The following MCF2L2 variants were observed in gnomAD, a reference collection of about 807,000 sequenced individuals.
MCF2L2 encodes MCF.2 cell line derived transforming sequence-like 2.
In MCF2L2, 102 loss-of-function variants were observed where a neutral mutation model predicts 150.2. The ratio of observed to expected loss-of-function variants is 0.68; its 90% CI spans 0.58 to 0.80. The LOEUF (loss-of-function observed/expected upper bound fraction) is 0.80, where lower values mean the gene tolerates loss of function less well. MCF2L2 is among the 30% of genes least tolerant of loss of function. The pLI, the probability that MCF2L2 is intolerant of heterozygous loss-of-function variation, is 0.00. For missense variants in MCF2L2, 1,256 were observed against 1,372.8 expected, an observed-to-expected ratio of 0.91 and a Z score of 1.34; for synonymous variants, 465 against 491.3, an observed-to-expected ratio of 0.95 and a Z score of 0.71.
chr3:183,312,270 A>G (rs1332165852), intron 7 of MCF2L2, among the ~76,000 whole-genome samples: 1 of 152,178 alleles, frequency 6.6e-6, no homozygotes, highest in Non-Finnish European at 1.5e-5. Flanking sequence ...TAATTATTTA[A>G]GTTTGGCAGA....
chr3:183,389,904 C>T, intron 1 of MCF2L2, 125 bp from the exon 2 acceptor site: 1 of 712,846 alleles, frequency 1.4e-6, no homozygotes, highest in Non-Finnish European at 2.4e-6. Flanking sequence ...GGTGCTGGCA[C>T]AACATTCCCT....
At chr3:183,412,883 G>C (rs1715392121) in intron 1 of MCF2L2, among the ~76,000 whole-genome samples, 1 of 152,018 alleles carries the variant, frequency 6.6e-6, no homozygotes, top group Non-Finnish European at 1.5e-5. Flanking sequence ...CCCTTTATCA[G>C]GTTGAGGAAA....
chr3:183,203,949 G>T (rs9835526), intron 25 of MCF2L2, among the ~76,000 whole-genome samples: 1 of 152,030 alleles, frequency 6.6e-6, no homozygotes, highest in Non-Finnish European at 1.5e-5. Context: ...AGAAAAAGAG[G>T]GTCAACAAGG....
intron 3 of MCF2L2, among the ~76,000 whole-genome samples, chr3:183,342,599 T>C (rs894018914): frequency 3.3e-5 from 5 of 151,502 alleles, no homozygotes; most frequent in African/African-American, 2.4e-5. Flanking sequence ...TATCTACCTA[T>C]GAGGTTGATG....
intron 3 of MCF2L2, among the ~76,000 whole-genome samples, chr3:183,369,085 G>A (rs1302693639): frequency 6.6e-6 from 1 of 152,168 alleles, no homozygotes; most frequent in Non-Finnish European, 1.5e-5. Context: ...TTAATAAATA[G>A]TGTAAGCTGA....
rs1246321138 is a variant in MCF2L2 at position 183,229,658 on chromosome 3, T to A, written c.2045+8A>T. ...CCATTCTTTCTGATAACATGAATTA[T>A]TATATACCTGTTGTGAAATTCGTAA... On this transcript the variant is annotated splice_region_variant and intron_variant, in intron 17 of 29. Coordinates refer to ENST00000328913, the MANE Select transcript of MCF2L2 (RefSeq NM_015078.4). 8.0e-7 allele frequency: 1 copy of A among 1,249,756 alleles called. No homozygotes were observed. The highest frequency in any genetic ancestry group is 1.8e-5 in the Admixed American group (1 of 55,604). The allele number at this position is 1,249,756 out of a possible 1,614,324, so 77.4% of individuals were successfully genotyped here.
chr3:183,185,153 C>T (rs1206690511), intron 27 of MCF2L2, among the ~76,000 whole-genome samples: 1 of 152,206 alleles, frequency 6.6e-6, no homozygotes, highest in Non-Finnish European at 1.5e-5. Context: ...CTCCTGACCA[C>T]GTGATCCGCC....
intron 11 of MCF2L2, chr3:183,298,484 T>C (rs1728652992): frequency 6.6e-6 from 1 of 152,162 alleles, no homozygotes; most frequent in Admixed American, 6.6e-5. Flanking sequence ...ACATTTAGAA[T>C]AATAAAAAAT....
chr3:183,366,627 C>T (rs563212589), intron 3 of MCF2L2, among the ~76,000 whole-genome samples: 45 of 151,806 alleles, frequency 3.0e-4, no homozygotes, highest in African/African-American at 9.9e-4. Context: ...GCCTGGGCAA[C>T]AGAGCAAGAC....
intron 10 of MCF2L2, among the ~76,000 whole-genome samples, chr3:183,301,171 T>G (rs1728829425): frequency 6.6e-6 from 1 of 152,170 alleles, no homozygotes; most frequent in South Asian, 2.1e-4. Context: ...GTTTTCCTGT[T>G]TGTTTAAGCA....
At chr3:183,317,932 T>C (rs1316030589) in intron 7 of MCF2L2, 136 bp downstream of exon 7, 1 of 1,088,210 alleles carries the variant, frequency 9.2e-7, no homozygotes, top group Non-Finnish European at 1.3e-6. Context: ...AGGTTTAAGA[T>C]GATCAGTGGC....
At chr3:183,288,741 A>C (rs915103738) in intron 14 of MCF2L2, among the ~76,000 whole-genome samples, 8 of 152,064 alleles carry the variant, frequency 5.3e-5, no homozygotes, top group African/African-American at 1.7e-4. Context: ...CGGCCTCCCA[A>C]AGTGCTGGGA....
At chr3:183,357,513 A>G (rs1451557206) in intron 3 of MCF2L2, among the ~76,000 whole-genome samples, 2 of 152,234 alleles carry the variant, frequency 1.3e-5, no homozygotes, top group African/African-American at 2.4e-5. Flanking sequence ...CTTTTTCAGC[A>G]CTGACGTGAC....
At chr3:183,384,828 T>C (rs1337124976) in intron 2 of MCF2L2, among the ~76,000 whole-genome samples, 1 of 152,202 alleles carries the variant, frequency 6.6e-6, no homozygotes, top group Admixed American at 6.5e-5. Context: ...CTCTATACTC[T>C]TTGGAGTATA....
intron 13 of MCF2L2, among the ~76,000 whole-genome samples, chr3:183,292,556 T>TAC (rs58788215): frequency 0.15 from 21,629 of 145,406 alleles, 2,072 homozygotes; most frequent in African/African-American, 0.29. Context: ...AGGGGGTATG[T>TAC]ACACACACAC....
At chr3:183,195,026 A>C (rs1003725629) in intron 26 of MCF2L2, among the ~76,000 whole-genome samples, 196 bp downstream of exon 26, 4 of 152,046 alleles carry the variant, frequency 2.6e-5, no homozygotes, top group Non-Finnish European at 5.9e-5. Flanking sequence ...CAAGCGATCC[A>C]TCTGCCTTGG....
intron 15 of MCF2L2, among the ~76,000 whole-genome samples, chr3:183,239,600 C>A (rs1368175738): frequency 6.6e-6 from 1 of 151,782 alleles, no homozygotes. Context: ...GCCTCCCCGC[C>A]GTTTCTCAGT....
chr3:183,350,473 A>G (rs960808291), intron 3 of MCF2L2, among the ~76,000 whole-genome samples: 3 of 152,216 alleles, frequency 2.0e-5, no homozygotes, highest in African/African-American at 7.2e-5. Context: ...AGACACCTGC[A>G]CAAATACTCT....
At chr3:183,402,451 C>CAAAAAAAAA (rs779201489) in intron 1 of MCF2L2, among the ~76,000 whole-genome samples, 3,876 of 54,514 alleles carry the variant, frequency 0.071, 386 homozygotes, top group Non-Finnish European at 0.12. Flanking sequence ...GAGACTCCAT[C>CAAAAAAAAA]AAAAAAAAAA....
Sources: allele counts gnomAD v4.1 joint callset (sites outside exome capture counted in the v4.1 genomes callset), GRCh38; gene constraint gnomAD v4.1.1; transcripts MANE v1.5; gene names NCBI Gene and HGNC (gene_info 2026-07-23, HGNC 2026-07-21).